CAST: variants seen among roughly 807,000 people sequenced by gnomAD.
CAST encodes calpastatin, also known as MIR583 host.
A neutral mutation model predicts 119.6 loss-of-function variants in CAST; 76 were observed. That is an observed-to-expected ratio of 0.64 (90% confidence interval 0.53 to 0.77). The LOEUF (loss-of-function observed/expected upper bound fraction) is 0.77, where lower values mean the gene tolerates loss of function less well. CAST is among the 30% of genes least tolerant of loss of function. The probability of loss-of-function intolerance (pLI) is 0.00; values close to 1 mark genes in which losing one functional copy is unlikely to be tolerated. For synonymous variants in CAST, 319 were observed against 331.6 expected, an observed-to-expected ratio of 0.96 and a Z score of 0.41; for missense variants, 953 against 946.5, an observed-to-expected ratio of 1.01 and a Z score of -0.09.
chr5:96,498,808 C>T, the CAST span, among the ~76,000 whole-genome samples: 1 of 152,138 alleles, frequency 6.6e-6, no homozygotes. Flanking sequence ...TTGTGTTAAT[C>T]CAGCCTCCAG....
chr5:96,762,023 C>CT (rs1344770764), intron 24 of CAST: 10 of 301,616 alleles, frequency 3.3e-5, no homozygotes, highest in Non-Finnish European at 6.0e-5. Flanking sequence ...CCGTGGAACT[C>CT]TAAGTTATAT....
At chr5:96,068,373 C>A in the CAST span, among the ~76,000 whole-genome samples, 1 of 152,032 alleles carries the variant, frequency 6.6e-6, no homozygotes, top group Non-Finnish European at 1.5e-5. Flanking sequence ...TGAAGTCTCA[C>A]CTTGAGAATC....
At chr5:96,273,287 C>T in the CAST span, among the ~76,000 whole-genome samples, 1 of 152,090 alleles carries the variant, frequency 6.6e-6, no homozygotes, top group South Asian at 2.1e-4. Flanking sequence ...CAGAGAAGTC[C>T]TCCCCAGTTA....
chr5:96,393,076 AT>A, the CAST span: 1 of 1,614,004 alleles, frequency 6.2e-7, no homozygotes, highest in Non-Finnish European at 8.5e-7. Flanking sequence ...GTTTAGTGTT[AT>A]AAAAAACATC....
the CAST span, among the ~76,000 whole-genome samples, chr5:96,398,458 C>A: frequency 9.4e-4 from 143 of 152,316 alleles, 1 homozygote; most frequent in African/African-American, 3.3e-3. Flanking sequence ...ATTTGTTAAT[C>A]TTCTCAATCT....
intron 2 of CAST, 166 bp from the exon 3 acceptor site, chr5:96,695,670 T>C: frequency 2.1e-6 from 1 of 478,366 alleles, no homozygotes; most frequent in South Asian, 2.4e-5. Flanking sequence ...TGTATCATCT[T>C]CAGGCAAAGT....
chr5:96,328,431 C>G, the CAST span, among the ~76,000 whole-genome samples: 1 of 132,248 alleles, frequency 7.6e-6, no homozygotes, highest in African/African-American at 2.9e-5. Context: ...CTCTCTCTCT[C>G]CTTGTGACAT....
chr5:96,603,693 T>C (rs1747200390), intron 1 of CAST, among the ~76,000 whole-genome samples: 1 of 150,444 alleles, frequency 6.6e-6, no homozygotes, highest in Non-Finnish European at 1.5e-5. Context: ...ATATAGCAAA[T>C]ACATAAACGT....
the CAST span, chr5:96,398,891 T>TC: frequency 6.2e-7 from 1 of 1,613,524 alleles, no homozygotes. Context: ...GCAGCAGAAG[T>TC]AAGTGTGACA....
the CAST span, chr5:95,961,903 G>A: frequency 1.4e-6 from 1 of 712,642 alleles, no homozygotes; most frequent in Admixed American, 3.9e-5. Context: ...CCACCCTCCG[G>A]CCCCGCGCCC....
At chr5:96,554,357 G>A (rs1746192344) in intron 1 of CAST, among the ~76,000 whole-genome samples, 1 of 152,152 alleles carries the variant, frequency 6.6e-6, no homozygotes, top group Non-Finnish European at 1.5e-5. Context: ...ACCATATGCA[G>A]AAAACTGAAA....
chr5:96,120,754 A>C, the CAST span, among the ~76,000 whole-genome samples: 1 of 147,920 alleles, frequency 6.8e-6, no homozygotes, highest in Non-Finnish European at 1.5e-5. Context: ...ATATACATAC[A>C]TATATATATA....
chr5:96,555,343 G>T (rs561702975), intron 1 of CAST, among the ~76,000 whole-genome samples: 3 of 152,196 alleles, frequency 2.0e-5, no homozygotes, highest in Non-Finnish European at 2.9e-5. Flanking sequence ...ACTGAGGTAC[G>T]TGTTCATCTC....
the CAST span, among the ~76,000 whole-genome samples, chr5:96,317,586 A>T: frequency 6.6e-6 from 1 of 151,822 alleles, no homozygotes; most frequent in African/African-American, 2.4e-5. Flanking sequence ...ATTTTATCTG[A>T]TGAATATGTA....
chr5:95,985,651 G>A, the CAST span, among the ~76,000 whole-genome samples: 1 of 152,142 alleles, frequency 6.6e-6, no homozygotes, highest in African/African-American at 2.4e-5. Context: ...TGGACACCAT[G>A]TTTCTTTAAC....
chr5:96,759,076 G>C (rs1443445118), intron 24 of CAST, among the ~76,000 whole-genome samples: 1 of 152,050 alleles, frequency 6.6e-6, no homozygotes. Context: ...CAGTGAAATG[G>C]TGAGATGAAA....
At chr5:96,598,265 A>C (rs894297534) in intron 1 of CAST, among the ~76,000 whole-genome samples, 29 of 152,316 alleles carry the variant, frequency 1.9e-4, no homozygotes, top group African/African-American at 6.5e-4. Flanking sequence ...TGCCCAGTGC[A>C]TGAAAATAAC....
At chr5:96,461,276 G>A in the CAST span, among the ~76,000 whole-genome samples, 733 of 152,140 alleles carry the variant, frequency 4.8e-3, 7 homozygotes, top group African/African-American at 0.017. Context: ...ATGAACATTT[G>A]AATTGTTTCC....
the CAST span, among the ~76,000 whole-genome samples, chr5:96,383,550 A>G: frequency 1.3e-5 from 2 of 152,298 alleles, no homozygotes; most frequent in Middle Eastern, 3.4e-3. Context: ...AGGTTCAAGC[A>G]ATTCTCTGCC....
Sources: gnomAD v4.1 joint callset for allele counts (sites outside exome capture counted in the v4.1 genomes callset) on GRCh38, gnomAD v4.1.1 for gene constraint, MANE v1.5 for transcripts, NCBI Gene and HGNC (gene_info 2026-07-23, HGNC 2026-07-21) for gene names.